The following MLIP variants were observed in gnomAD, a reference collection of about 807,000 sequenced individuals.
MLIP encodes the protein muscular LMNA-interacting protein.
A neutral mutation model predicts 84.8 loss-of-function variants in MLIP; 79 were observed. The observed-to-expected ratio is 0.93, with a 90% CI of 0.78 to 1.12. MLIP has a LOEUF of 1.12. MLIP is among the 50% of genes most tolerant of loss of function. The pLI, the probability that MLIP is intolerant of heterozygous loss-of-function variation, is 0.00. For missense variants in MLIP, 1,257 were observed against 1,160.6 expected, an observed-to-expected ratio of 1.08 and a Z score of -1.21; for synonymous variants, 504 against 463.0, an observed-to-expected ratio of 1.09 and a Z score of -1.14.
At chr6:54,209,778 C>G (rs1307287145) in intron 11 of MLIP, among the ~76,000 whole-genome samples, 2 of 152,056 alleles carry the variant, frequency 1.3e-5, no homozygotes, top group African/African-American at 4.8e-5. Context: ...CAAACTTTAC[C>G]TACCCCAAAT....
intron 1 of MLIP, among the ~76,000 whole-genome samples, chr6:54,116,396 A>G (rs1304879125): frequency 1.3e-5 from 2 of 152,260 alleles, no homozygotes; most frequent in Non-Finnish European, 2.9e-5. Flanking sequence ...AAATAGAATC[A>G]GAGAATAAAA....
In MLIP at chr6:54,158,386, A is replaced by G. The variant is rs555660294; in HGVS notation, c.2290-1981A>G. Among the ~76,000 whole-genome samples, 8 of 152,224 alleles carry G rather than the reference A, an allele frequency of 5.3e-5. No homozygotes were observed. In the East Asian group the frequency reaches 1.5e-3, roughly 29 times the overall value. ...CTACCAGAACATATATATTCAAGCG[A>G]CGATATTTCTCTTGAAAATAACTGT... is the stretch of plus-strand genomic sequence containing the variant. On this transcript the variant is annotated intron_variant, in intron 5 of 13. Coordinates refer to ENST00000502396, the MANE Select transcript of MLIP (RefSeq NM_001281747.2).
At chr6:54,226,697 A>C (rs1428838497) in intron 11 of MLIP, among the ~76,000 whole-genome samples, 1 of 152,176 alleles carries the variant, frequency 6.6e-6, no homozygotes, top group African/African-American at 2.4e-5. Context: ...AGACAGAAAA[A>C]ACTCAAGAAC....
chr6:54,066,038 T>C (rs1263194440), intron 1 of MLIP, among the ~76,000 whole-genome samples: 1 of 99,658 alleles, frequency 1.0e-5, no homozygotes, highest in African/African-American at 2.6e-5. Context: ...TCTACATTTA[T>C]CTTAGGTGTA....
In MLIP at chr6:54,090,989, C is replaced by T. The variant is rs9474731; in HGVS notation, c.64-30458C>T. Among the ~76,000 whole-genome samples the T allele has an allele frequency of 2.3e-3, 344 of 152,128 alleles. 1 individual carries two copies. Among genetic ancestry groups the T allele is most frequent in the African/African-American group, 7.9e-3 (329 of 41,506 alleles). Reference sequence around the variant, plus strand: ...CAGTGTTTCTCAACCTTAATAATATCGACATTTGGGCCAAATATATCTTCG... The same window carrying T: ...CAGTGTTTCTCAACCTTAATAATATTGACATTTGGGCCAAATATATCTTCG... On this transcript the variant is annotated intron_variant, in intron 1 of 12. Coordinates refer to the MLIP transcript ENST00000274897.
chr6:54,253,848 T>C (rs1782806087), intron 12 of MLIP, among the ~76,000 whole-genome samples: 1 of 152,170 alleles, frequency 6.6e-6, no homozygotes, highest in Non-Finnish European at 1.5e-5. Flanking sequence ...GTTAATCTGT[T>C]ATACAATATC....
chr6:54,229,001 T>A (rs1342355876), intron 11 of MLIP, among the ~76,000 whole-genome samples: 1 of 152,252 alleles, frequency 6.6e-6, no homozygotes, highest in Admixed American at 6.5e-5. Flanking sequence ...ACTGCATATG[T>A]TCCATTAAAG....
chr6:54,228,180 C>CAA (rs869112313), intron 11 of MLIP, among the ~76,000 whole-genome samples: 2 of 75,814 alleles, frequency 2.6e-5, no homozygotes, highest in African/African-American at 9.5e-5. Context: ...GAGACTGTCT[C>CAA]AAAAAAAAAA....
chr6:54,119,473 A>G (rs953733826), intron 1 of MLIP, among the ~76,000 whole-genome samples: 1 of 152,200 alleles, frequency 6.6e-6, no homozygotes, highest in African/African-American at 2.4e-5. Context: ...TCATATGTAG[A>G]ATTTTTAAAA....
At chr6:54,189,144 GT>G (rs1346724161) in intron 9 of MLIP, among the ~76,000 whole-genome samples, 1 of 152,156 alleles carries the variant, frequency 6.6e-6, no homozygotes, top group Non-Finnish European at 1.5e-5. Context: ...TCAACATGAA[GT>G]TTCAGTTAAA....
intron 9 of MLIP, among the ~76,000 whole-genome samples, chr6:54,176,975 G>A (rs1052566682): frequency 2.3e-4 from 35 of 152,174 alleles, no homozygotes; most frequent in African/African-American, 7.2e-4. Flanking sequence ...TTAATAAAAG[G>A]TGCTGGGAAA....
intron 1 of MLIP, among the ~76,000 whole-genome samples, chr6:54,022,479 C>T (rs1408246981): frequency 1.3e-5 from 2 of 152,138 alleles, no homozygotes; most frequent in Non-Finnish European, 2.9e-5. Context: ...GAGATACATT[C>T]AAGCTGGGTA....
At chr6:54,102,415 G>T (rs544182691) in intron 1 of MLIP, among the ~76,000 whole-genome samples, 1 of 152,216 alleles carries the variant, frequency 6.6e-6, no homozygotes, top group South Asian at 2.1e-4. Context: ...TGGGAGGAGT[G>T]ATCTAGACCA....
chr6:54,147,916 T>C (rs902241436), intron 4 of MLIP, among the ~76,000 whole-genome samples: 1 of 152,116 alleles, frequency 6.6e-6, no homozygotes, highest in African/African-American at 2.4e-5. Flanking sequence ...AAAAAGAGAA[T>C]GCATTCTGCT....
At chr6:54,152,920 C>T (rs996357473) in intron 5 of MLIP, among the ~76,000 whole-genome samples, 1 of 151,920 alleles carries the variant, frequency 6.6e-6, no homozygotes, top group Non-Finnish European at 1.5e-5. Context: ...TATTGTCTTA[C>T]CAATGATTAA....
intron 1 of MLIP, among the ~76,000 whole-genome samples, chr6:54,085,107 C>G (rs1380836154): frequency 6.6e-6 from 1 of 152,196 alleles, no homozygotes; most frequent in Non-Finnish European, 1.5e-5. Flanking sequence ...TCATGGGCTT[C>G]AACTGAGAGT....
intron 1 of MLIP, among the ~76,000 whole-genome samples, chr6:54,085,560 T>C (rs612696): frequency 6.6e-6 from 1 of 152,132 alleles, no homozygotes; most frequent in Non-Finnish European, 1.5e-5. Context: ...GAAGAGATCA[T>C]ATTTCTCATT....
intron 1 of MLIP, among the ~76,000 whole-genome samples, chr6:54,083,273 T>C (rs1767277570): frequency 6.6e-6 from 1 of 152,212 alleles, no homozygotes; most frequent in Non-Finnish European, 1.5e-5. Context: ...TTTTAACTTT[T>C]AAAATAGAGC....
chr6:54,032,985 G>A (rs887361519), intron 1 of MLIP, among the ~76,000 whole-genome samples: 3 of 152,112 alleles, frequency 2.0e-5, no homozygotes, highest in Admixed American at 1.3e-4. Flanking sequence ...TTAATAATAG[G>A]ACAACTATTG....
Sources: gnomAD v4.1 joint callset for allele counts (sites outside exome capture counted in the v4.1 genomes callset) on GRCh38, gnomAD v4.1.1 for gene constraint, MANE v1.5 for transcripts, NCBI Gene and HGNC (gene_info 2026-07-23, HGNC 2026-07-21) for gene names.